The following RTN4 variants were observed in gnomAD, a reference collection of about 807,000 sequenced individuals.
The protein encoded by RTN4 is reticulon 4, also known as reticulon-4.
Under a neutral mutation model 90.4 loss-of-function variants are expected in RTN4, and 32 were observed. The ratio of observed to expected loss-of-function variants is 0.35; its 90% CI spans 0.27 to 0.48. RTN4 has a LOEUF of 0.48. RTN4 is among the 20% of genes least tolerant of loss of function. The probability of loss-of-function intolerance (pLI) is 0.99; values close to 1 mark genes in which losing one functional copy is unlikely to be tolerated. For missense variants in RTN4, 1,706 were observed against 1,430.2 expected (o/e 1.19, Z -3.11); for synonymous variants, 629 against 552.5 (o/e 1.14, Z -1.94).
chr2:55,041,080 ATT>A (rs554319306), intron 1 of RTN4, among the ~76,000 whole-genome samples: 2 of 142,988 alleles, frequency 1.4e-5, no homozygotes, highest in African/African-American at 2.6e-5. Context: ...TCTCAACACA[ATT>A]TTTTTTTTTT....
intron 2 of RTN4, among the ~76,000 whole-genome samples, chr2:55,075,192 A>G (rs1041996164): frequency 2.6e-5 from 4 of 152,226 alleles, no homozygotes; most frequent in African/African-American, 9.6e-5. Flanking sequence ...AAGACATCCA[A>G]CAATCTCCTA....
At chr2:54,973,784 G>A (rs1351357822) in intron 7 of RTN4, 37 bp downstream of exon 7, 1 of 1,569,860 alleles carries the variant, frequency 6.4e-7, no homozygotes, top group East Asian at 2.2e-5. Flanking sequence ...TAGAGTGAGT[G>A]CTCTATTCTG....
Position 55,018,941 on chromosome 2 carries a change from T to C in RTN4, c.3013+6145A>G, listed in dbSNP as rs540396164. On this transcript the variant is annotated intron_variant, in intron 3 of 8. Coordinates refer to ENST00000337526, the MANE Select transcript of RTN4 (RefSeq NM_020532.5). ...AAGGAATCAGGCATCCTTGGAGAAA[T>C]GGCTGATTCCAGGGCTGGGACACGG... is the stretch of plus-strand genomic sequence containing the variant. 9.9e-4 allele frequency among the ~76,000 whole-genome samples: 150 copies of C among 152,142 alleles called. 1 individual carries two copies. The Middle Eastern group carries it at 0.014, about 14-fold the overall frequency.
intron 3 of RTN4, 84 bp from the exon 4 acceptor site, chr2:54,987,782 T>C (rs551215476): frequency 2.7e-5 from 28 of 1,034,546 alleles, no homozygotes; most frequent in Non-Finnish European, 3.6e-5. Flanking sequence ...AAAACGCTAC[T>C]ACATAAAGTA....
the RTN4 span, among the ~76,000 whole-genome samples, chr2:55,134,332 C>T: frequency 6.6e-6 from 1 of 152,118 alleles, no homozygotes; most frequent in Admixed American, 6.5e-5. Flanking sequence ...CTCTTCCCCC[C>T]ACTCCTCCTG....
In RTN4 at chr2:55,049,828, A is replaced by G; in HGVS notation, c.473T>C (p.Val158Ala). Residue 158 changes from valine (V) to alanine (A), a missense_variant, in exon 1 of 9, where the codon GTG (valine) becomes GCG (alanine). Coordinates refer to ENST00000337526, the MANE Select transcript of RTN4 (RefSeq NM_020532.5). ...GGGAGCCGGGGCTGGCGGGGTCCAC[A>G]CGGGCTCTGCCTGGGGGCTCACGCT... ...PASVSPQAEP[V>A]WTPPAPAPAA... The G allele has an allele frequency of 1.7e-6, 2 of 1,199,064 alleles. No individual in the cohort carries two copies. The highest frequency in any genetic ancestry group is 2.1e-6 in the Non-Finnish European group (2 of 953,366). The allele number at this position is 1,199,064 out of a possible 1,614,324, so 74.3% of individuals were successfully genotyped here. A position where few individuals can be genotyped will look rare whatever the true frequency, so the allele number is the denominator to read the frequency against.
chr2:55,027,116 T>A lies in RTN4; in HGVS notation c.983A>T (p.Lys328Ile). Residue 328 changes from lysine to isoleucine, a missense_variant, in exon 3 of 9, where the codon AAA becomes ATA. Coordinates refer to ENST00000337526, the MANE Select transcript of RTN4 (RefSeq NM_020532.5). ...ACTAACTAACTTCTCTTCTTCATCT[T>A]TATTTTTCACGATTATTTCTTCCCT... is the stretch of plus-strand genomic sequence containing the variant. ...NPREEIIVKNKDEEEKLVSNN... is the reference protein window; with the variant it reads ...NPREEIIVKNIDEEEKLVSNN... 1 of 1,613,410 alleles carries A rather than the reference T, an allele frequency of 6.2e-7. No homozygotes were observed. Among genetic ancestry groups the A allele is most frequent in the Non-Finnish European group, 8.5e-7 (1 of 1,179,722 alleles).
Position 55,050,349 on chromosome 2 carries a change from C to T in RTN4, c.-49G>A. ...GCAGCTGCTGCCGCCGCCGCCGGGGCCGCGTCTCAGAGCCGCGGGCGGTTG... is the reference window on the plus strand; with the variant it reads ...GCAGCTGCTGCCGCCGCCGCCGGGGTCGCGTCTCAGAGCCGCGGGCGGTTG... On this transcript the variant is annotated 5_prime_UTR_variant, in exon 1 of 9. Coordinates refer to ENST00000337526, the MANE Select transcript of RTN4 (RefSeq NM_020532.5). The surrounding 1 kb of genome is among the most constrained non-coding windows in gnomAD (Gnocchi z 4.6). The T allele has an allele frequency of 2.3e-6, 3 of 1,281,336 alleles. No homozygotes were observed. The highest frequency in any genetic ancestry group is 3.0e-6 in the Non-Finnish European group (3 of 985,030). 79.4% of individuals were successfully genotyped at this position (1,281,336 alleles called of 1,614,324 possible).
chr2:55,112,773 T>C (rs1668061256), upstream of RTN4, among the ~76,000 whole-genome samples: 1 of 152,272 alleles, frequency 6.6e-6, no homozygotes, highest in African/African-American at 2.4e-5. Flanking sequence ...GGGGATTATC[T>C]GTTATTTTCA....
At chr2:55,041,636 T>C (rs903289306) in intron 1 of RTN4, among the ~76,000 whole-genome samples, 21 of 152,066 alleles carry the variant, frequency 1.4e-4, no homozygotes, top group African/African-American at 4.8e-4. Flanking sequence ...TTGGAACAAA[T>C]GGGAAATAAT....
chr2:55,037,448 T>G (rs557273641), intron 1 of RTN4, among the ~76,000 whole-genome samples: 4 of 152,254 alleles, frequency 2.6e-5, no homozygotes, highest in Admixed American at 2.6e-4. Context: ...AAAAGATTTG[T>G]TTCCCTAAGC....
intron 3 of RTN4, among the ~76,000 whole-genome samples, chr2:54,992,763 T>G (rs907006940): frequency 5.3e-5 from 8 of 152,082 alleles, no homozygotes; most frequent in African/African-American, 4.8e-5. Flanking sequence ...TCACAGTATA[T>G]TCTCACTTAA....
In RTN4 at chr2:55,050,271, G is replaced by T; in HGVS notation, c.30C>A (p.Val10=). 1 of 1,494,632 alleles carries T rather than the reference G, an allele frequency of 6.7e-7. No homozygotes were observed. The allele number at this position is 1,494,632 out of a possible 1,614,324, so 92.6% of individuals were successfully genotyped here. A position where few individuals can be genotyped will look rare whatever the true frequency, so the allele number is the denominator to read the frequency against. Reference sequence around the variant, plus strand: ...GCCGGGGTGGGCTGTCCGAGGACGAGACCAGAGGAGACTGGTCCAGGTCTT... The same window carrying T: ...GCCGGGGTGGGCTGTCCGAGGACGATACCAGAGGAGACTGGTCCAGGTCTT... MEDLDQSPL[V]SSSDSPPRPQ... Residue 10 remains valine, a synonymous_variant, in exon 1 of 9, where the codon GTC becomes GTA. Coordinates refer to ENST00000337526, the MANE Select transcript of RTN4 (RefSeq NM_020532.5). The surrounding 1 kb of genome is among the most constrained non-coding windows in gnomAD (Gnocchi z 4.6).
the RTN4 span, among the ~76,000 whole-genome samples, chr2:55,130,184 C>T: frequency 2.0e-5 from 3 of 152,142 alleles, no homozygotes; most frequent in African/African-American, 4.8e-5. Flanking sequence ...AGAAAGACTA[C>T]GTTGTTCACT....
intron 1 of RTN4, among the ~76,000 whole-genome samples, chr2:55,081,641 T>C (rs1315404312): frequency 1.3e-5 from 2 of 152,030 alleles, no homozygotes; most frequent in African/African-American, 2.4e-5. Context: ...GGCAGGAAGA[T>C]TGCTTGAGCC....
intron 3 of RTN4, chr2:55,010,247 C>T: frequency 1.3e-6 from 2 of 1,546,092 alleles, no homozygotes; most frequent in African/African-American, 1.4e-5. Context: ...CTGCAGTCTC[C>T]TCTGCTGCAC....
At chr2:55,108,467 T>C (rs1284916431) in intron 1 of RTN4, among the ~76,000 whole-genome samples, 4 of 151,984 alleles carry the variant, frequency 2.6e-5, no homozygotes, top group East Asian at 3.9e-4. Context: ...GGGTGAATGA[T>C]AATATTGAGA....
At chr2:55,119,224 A>C in the RTN4 span, among the ~76,000 whole-genome samples, 1 of 152,212 alleles carries the variant, frequency 6.6e-6, no homozygotes, top group Non-Finnish European at 1.5e-5. Context: ...TATTCGTCAA[A>C]ATACATTCTC....
intron 1 of RTN4, among the ~76,000 whole-genome samples, chr2:55,028,532 A>G (rs1342638803): frequency 6.6e-6 from 1 of 152,214 alleles, no homozygotes; most frequent in Admixed American, 6.5e-5. Flanking sequence ...AACATATCAC[A>G]TCCCAAGCTT....
Sources: allele counts gnomAD v4.1 joint callset (sites outside exome capture counted in the v4.1 genomes callset), GRCh38; gene constraint gnomAD v4.1.1; non-coding constraint Gnocchi (gnomAD v3.1); transcripts MANE v1.5; gene names NCBI Gene and HGNC (gene_info 2026-07-23, HGNC 2026-07-21).